The following ENPP5 variants were observed in gnomAD, a reference collection of about 807,000 sequenced individuals.
ENPP5 encodes E-NPP 5.
Under a neutral mutation model 33.7 loss-of-function variants are expected in ENPP5, and 27 were observed. That is an observed-to-expected ratio of 0.80 (90% CI 0.59 to 1.11). ENPP5 has a LOEUF of 1.11. Ranked by LOEUF, ENPP5 falls within the 50% of genes least tolerant of loss-of-function variation. The probability of loss-of-function intolerance (pLI) is 0.00; values close to 1 mark genes in which losing one functional copy is unlikely to be tolerated. For synonymous variants in ENPP5, 199 were observed against 200.5 expected (o/e 0.99, Z 0.06); for missense variants, 552 against 579.2 (o/e 0.95, Z 0.48).
rs764798008 is a variant in ENPP5 at position 46,167,420 on chromosome 6, T to G, written c.829+14A>C. The G allele has an allele frequency of 1.6e-5, 24 of 1,539,714 alleles. No individual in the cohort carries two copies. The highest frequency in any genetic ancestry group is 2.1e-5 in the Non-Finnish European group (23 of 1,116,412). ...CATCTAGTCTCAGCTCACCATTCAT[T>G]CAGTCAGCCTTACCTTCTTTTGGCA... On this transcript the variant is annotated intron_variant, in intron 3 of 4. Transcript: ENST00000371383.
chr6:46,160,800 T>G lies in ENPP5; in HGVS notation c.*526A>C, dbSNP rs561669366. 1.3e-5 allele frequency: 2 copies of G among 154,738 alleles called. No homozygotes were observed. Among genetic ancestry groups the G allele is most frequent in the Non-Finnish European group, 2.9e-5 (2 of 69,350 alleles). 9.6% of individuals were successfully genotyped at this position (154,738 alleles called of 1,614,324 possible). A position where few individuals can be genotyped will look rare whatever the true frequency, so the allele number is the denominator to read the frequency against. ...CATTTAATTTTCAACACTTATCACC[T>G]TCTTCTTCTCTCAATTTATGGAGAT... On this transcript the variant is annotated 3_prime_UTR_variant, in exon 5 of 5. Transcript: ENST00000371383.
intron 2 of ENPP5, among the ~76,000 whole-genome samples, chr6:46,168,703 A>G (rs1764631838): frequency 6.6e-6 from 1 of 152,154 alleles, no homozygotes; most frequent in Non-Finnish European, 1.5e-5. Flanking sequence ...TAGAGCAACT[A>G]TGGCAACCTA....
chr6:46,169,207 A>C (rs1194450533), intron 2 of ENPP5, among the ~76,000 whole-genome samples: 1 of 152,194 alleles, frequency 6.6e-6, no homozygotes, highest in Non-Finnish European at 1.5e-5. Flanking sequence ...ATGGATAAAC[A>C]ATAGATATGT....
Position 46,168,173 on chromosome 6 carries a change from A to T in ENPP5, c.90T>A (p.Val30=), listed in dbSNP as rs751154937. Residue 30 remains valine, a synonymous_variant, in exon 3 of 5, where the codon GTT becomes GTA. Transcript: ENST00000371383. ...TFSLQPDQQK[V]LLVSFDGFRW... is the part of the protein sequence containing the mutation. ...GGAATCCATCAAAAGAAACTAGTAG[A>T]ACCTTTTGCTGGTCTGGTTGGAGAG... The T allele has an allele frequency of 1.2e-6, 2 of 1,613,396 alleles. No homozygotes were observed. Among genetic ancestry groups the T allele is most frequent in the Non-Finnish European group, 1.7e-6 (2 of 1,179,358 alleles).
At chr6:46,166,375 C>A (rs867007568) in intron 3 of ENPP5, among the ~76,000 whole-genome samples, 70 of 151,308 alleles carry the variant, frequency 4.6e-4, no homozygotes, top group African/African-American at 1.6e-3. Context: ...CTCACTGTAA[C>A]CTAGAACTCC....
rs144049289 is a variant in ENPP5 at position 46,165,479 on chromosome 6, C to T, written c.914G>A (p.Trp305Ter). ...AATTCGACTGTTGTATTTGTAATGCCACCTTTCTGGAACGTCTTCTTTTTT... is the reference window on the plus strand; with the variant it reads ...AATTCGACTGTTGTATTTGTAATGCTACCTTTCTGGAACGTCTTCTTTTTT... ...VYKKEDVPER[W>*]HYKYNSRIQP... is the part of the protein sequence containing the mutation. The change falls in exon 4 of 5, where the codon TGG becomes TAG. Residue 305 changes from tryptophan (W) to a stop codon, truncating the protein, a stop_gained. Coordinates refer to ENST00000371383, the MANE Select transcript of ENPP5 (RefSeq NM_001290072.2). LOFTEE classifies it high-confidence loss of function. The T allele has an allele frequency of 1.6e-4, 260 of 1,611,820 alleles. No individual in the cohort carries two copies. Among genetic ancestry groups the T allele is most frequent in the Admixed American group, 2.5e-4 (15 of 59,052 alleles).
rs578073134 is a variant in ENPP5, at chr6:46,160,632, C to G, written c.*694G>C. 1 of 151,996 alleles carries G rather than the reference C, an allele frequency of 6.6e-6. No individual in the cohort carries two copies. The highest frequency in any genetic ancestry group is 2.4e-5 in the African/African-American group (1 of 41,398). The allele number at this position is 151,996 out of a possible 1,614,324, so 9.4% of individuals were successfully genotyped here. A position where few individuals can be genotyped will look rare whatever the true frequency, so the allele number is the denominator to read the frequency against. On this transcript the variant is annotated 3_prime_UTR_variant, in exon 5 of 5. Coordinates refer to ENST00000371383, the MANE Select transcript of ENPP5 (RefSeq NM_001290072.2). ...TATGACAGAAACAATATATTTAGAA[C>G]GAATCTGTCAGTATTTGACTCTCTT... is the stretch of plus-strand genomic sequence containing the variant.
chr6:46,169,683 C>T (rs1197321324), intron 2 of ENPP5, among the ~76,000 whole-genome samples: 2 of 152,178 alleles, frequency 1.3e-5, no homozygotes, highest in East Asian at 1.9e-4. Context: ...CATGAGCCAC[C>T]GCAGCCGGCC....
intron 4 of ENPP5, among the ~76,000 whole-genome samples, chr6:46,163,078 G>A (rs960821476): frequency 1.2e-4 from 18 of 152,170 alleles, no homozygotes; most frequent in Admixed American, 2.6e-4. Flanking sequence ...TGGTAGCCCC[G>A]ATCATAAATG....
intron 4 of ENPP5, among the ~76,000 whole-genome samples, chr6:46,164,728 A>ATTT (rs779495236): frequency 1.7e-4 from 16 of 92,912 alleles, no homozygotes; most frequent in South Asian, 5.2e-4. Flanking sequence ...AAAACTGTTT[A>ATTT]TTTTTTTTTT....
intron 1 of ENPP5, among the ~76,000 whole-genome samples, 162 bp from the exon 2 acceptor site, chr6:46,170,276 G>A (rs1764695908): frequency 6.6e-6 from 1 of 152,096 alleles, no homozygotes; most frequent in African/African-American, 2.4e-5. Flanking sequence ...ACAAAAGTAA[G>A]CAAAGATTAA....
At position 46,165,528 on chromosome 6, in the gene ENPP5, C is replaced by A; in HGVS notation, c.865G>T (p.Ala289Ser). The A allele has an allele frequency of 6.2e-7, 1 of 1,602,194 alleles. No individual in the cohort carries two copies. The highest frequency in any genetic ancestry group is 8.5e-7 in the Non-Finnish European group (1 of 1,176,336). ...FDEVYEALTH[A>S]HPNLTVYKKE... is the part of the protein sequence containing the mutation. ...TTGTAAACAGTAAGATTAGGATGAG[C>A]GTGAGTTAGTGCTTCATAGACTTCA... Residue 289 changes from alanine to serine, a missense_variant, in exon 4 of 5, where the codon GCT becomes TCT. Ala to Ser is a moderately conservative substitution (Grantham distance 99). Transcript: ENST00000371383.
intron 4 of ENPP5, 140 bp downstream of exon 4, chr6:46,165,247 A>C (rs1764507224): frequency 1.6e-6 from 1 of 637,254 alleles, no homozygotes; most frequent in East Asian, 3.0e-5. Flanking sequence ...TTAGATAAGT[A>C]CGAAAACATT....
chr6:46,165,496 T>G lies in ENPP5; in HGVS notation c.897A>C (p.Glu299Asp). 3 of 1,611,740 alleles carry G rather than the reference T, an allele frequency of 1.9e-6. No individual in the cohort carries two copies. In the South Asian group the frequency reaches 3.3e-5, roughly 18 times the overall value. Reference sequence around the variant, plus strand: ...TGTAATGCCACCTTTCTGGAACGTCTTCTTTTTTGTAAACAGTAAGATTAG... The same window carrying G: ...TGTAATGCCACCTTTCTGGAACGTCGTCTTTTTTGTAAACAGTAAGATTAG... ...AHPNLTVYKKEDVPERWHYKY... is the reference protein window; with the variant it reads ...AHPNLTVYKKDDVPERWHYKY... The change falls in exon 4 of 5, where the codon GAA becomes GAC. Residue 299 changes from glutamate to aspartate, a missense_variant. Glu to Asp is a conservative substitution (Grantham distance 45). Transcript: ENST00000371383.
chr6:46,163,128 G>T (rs1183207393), intron 4 of ENPP5, among the ~76,000 whole-genome samples: 1 of 152,136 alleles, frequency 6.6e-6, no homozygotes, highest in Non-Finnish European at 1.5e-5. Flanking sequence ...ATGCCTAAGG[G>T]CAATGGTTCT....
intron 3 of ENPP5, among the ~76,000 whole-genome samples, chr6:46,166,264 C>T (rs1248544381): frequency 6.8e-6 from 1 of 147,770 alleles, no homozygotes; most frequent in Non-Finnish European, 1.5e-5. Context: ...TTCCCTCCCT[C>T]TCTCTCTCTC....
intron 2 of ENPP5, 64 bp downstream of exon 2, chr6:46,169,989 A>C (rs1429685569): frequency 6.6e-6 from 1 of 152,204 alleles, no homozygotes; most frequent in African/African-American, 2.4e-5. Context: ...TGATTCTGGA[A>C]GGAACATTAA....
intron 4 of ENPP5, among the ~76,000 whole-genome samples, chr6:46,164,591 A>T (rs1764480375): frequency 6.6e-6 from 1 of 152,174 alleles, no homozygotes; most frequent in Non-Finnish European, 1.5e-5. Context: ...TTGAATTTAT[A>T]TTAACTTTAA....
Position 46,160,431 on chromosome 6 carries a change from T to C in ENPP5, c.*895A>G, listed in dbSNP as rs537597183. ...ATTTGATTTTTAATGTAATTAATAG[T>C]GATTTAATTTTCAAAGGAGCAAATA... On this transcript the variant is annotated 3_prime_UTR_variant, in exon 5 of 5. Coordinates refer to ENST00000371383, the MANE Select transcript of ENPP5 (RefSeq NM_001290072.2). 6.6e-6 allele frequency: 1 copy of C among 152,218 alleles called. No homozygotes were observed. Among genetic ancestry groups the C allele is most frequent in the Non-Finnish European group, 1.5e-5 (1 of 68,044 alleles). The allele number at this position is 152,218 out of a possible 1,614,324, so 9.4% of individuals were successfully genotyped here. A position where few individuals can be genotyped will look rare whatever the true frequency, so the allele number is the denominator to read the frequency against.
Sources: allele counts gnomAD v4.1 joint callset (sites outside exome capture counted in the v4.1 genomes callset), GRCh38; gene constraint gnomAD v4.1.1; transcripts MANE v1.5; gene names NCBI Gene and HGNC (gene_info 2026-07-23, HGNC 2026-07-21).